DCDC1: variants seen among roughly 807,000 people sequenced by gnomAD.
DCDC1 encodes the protein doublecortin domain containing 1, also known as doublecortin domain-containing protein 1.
In DCDC1, 200 loss-of-function variants were observed where a neutral mutation model predicts 178.3. That is an observed-to-expected ratio of 1.12 (90% confidence interval 1.00 to 1.26). The LOEUF (loss-of-function observed/expected upper bound fraction) is 1.26, where lower values mean the gene tolerates loss of function less well. DCDC1 is among the 50% of genes most tolerant of loss of function. The pLI is 0.00. For missense variants in DCDC1, 1,983 were observed against 1,749.2 expected (o/e 1.13, Z -2.38); for synonymous variants, 690 against 604.8 (o/e 1.14, Z -2.07).
At chr11:31,354,858 T>G (rs768166135) in intron 1 of DCDC1, among the ~76,000 whole-genome samples, 4 of 152,226 alleles carry the variant, frequency 2.6e-5, no homozygotes, top group Non-Finnish European at 5.9e-5. Flanking sequence ...CTTTACATTT[T>G]GATTCCATCA....
chr11:31,257,693 A>AACACACACACACACACAC (rs60535376), intron 8 of DCDC1, among the ~76,000 whole-genome samples: 3 of 143,864 alleles, frequency 2.1e-5, no homozygotes, highest in African/African-American at 7.7e-5. Flanking sequence ...CAGATAGGAA[A>AACACACACACACACACAC]ACACACACAC....
chr11:31,073,191 T>A (rs764817056), intron 18 of DCDC1, among the ~76,000 whole-genome samples: 18 of 152,284 alleles, frequency 1.2e-4, no homozygotes, highest in Non-Finnish European at 2.2e-4. Context: ...TGTAAAAATA[T>A]CAGTGATTGT....
At chr11:31,053,807 A>C (rs900555421) in intron 20 of DCDC1, among the ~76,000 whole-genome samples, 2 of 152,140 alleles carry the variant, frequency 1.3e-5, no homozygotes, top group Non-Finnish European at 2.9e-5. Flanking sequence ...AAATTGGCAT[A>C]TAAGGGACAT....
intron 9 of DCDC1, among the ~76,000 whole-genome samples, chr11:31,205,272 A>T (rs575253458): frequency 8.5e-5 from 13 of 152,198 alleles, no homozygotes; most frequent in Non-Finnish European, 1.9e-4. Context: ...ACAACAGCAG[A>T]GATTAGTAGT....
At chr11:31,330,972 T>A (rs979634479) in intron 2 of DCDC1, among the ~76,000 whole-genome samples, 1 of 152,192 alleles carries the variant, frequency 6.6e-6, no homozygotes, top group Admixed American at 6.5e-5. Context: ...GAATCTAAAA[T>A]TACCTTGGGC....
At chr11:31,037,581 G>A (rs1234979680) in intron 20 of DCDC1, among the ~76,000 whole-genome samples, 2 of 151,668 alleles carry the variant, frequency 1.3e-5, no homozygotes, top group Non-Finnish European at 2.9e-5. Flanking sequence ...ACAGGTGCCC[G>A]CCACCTAATT....
chr11:30,899,900 C>T (rs915472038), intron 33 of DCDC1, among the ~76,000 whole-genome samples: 3 of 152,088 alleles, frequency 2.0e-5, no homozygotes, highest in African/African-American at 7.2e-5. Context: ...ATTTCATTTT[C>T]CACTTCCACA....
chr11:31,101,843 G>A (rs572583138), intron 15 of DCDC1, among the ~76,000 whole-genome samples: 12 of 152,212 alleles, frequency 7.9e-5, no homozygotes, highest in Non-Finnish European at 1.2e-4. Context: ...TTGGGAGGCC[G>A]AGGTGGACGG....
At chr11:31,093,704 G>C (rs1185477457) in intron 16 of DCDC1, among the ~76,000 whole-genome samples, 1 of 152,112 alleles carries the variant, frequency 6.6e-6, no homozygotes, top group Non-Finnish European at 1.5e-5. Context: ...GAAAGCTGAG[G>C]GGTAAAACTC....
chr11:31,160,210 T>C (rs1050830994), intron 9 of DCDC1, among the ~76,000 whole-genome samples: 1 of 152,184 alleles, frequency 6.6e-6, no homozygotes, highest in African/African-American at 2.4e-5. Flanking sequence ...TCATTTTCAG[T>C]TATGTTGAAA....
chr11:31,087,443 G>T, intron 17 of DCDC1, among the ~76,000 whole-genome samples: 1 of 151,746 alleles, frequency 6.6e-6, no homozygotes, highest in East Asian at 1.9e-4. Context: ...TGAAGTCATT[G>T]ATTTAATATC....
chr11:31,274,016 G>C (rs1945789003), intron 7 of DCDC1, among the ~76,000 whole-genome samples: 1 of 152,126 alleles, frequency 6.6e-6, no homozygotes, highest in South Asian at 2.1e-4. Flanking sequence ...TCCCACCTGG[G>C]TGCCTCCCAC....
intron 18 of DCDC1, among the ~76,000 whole-genome samples, chr11:31,070,962 GT>G (rs750231850): frequency 1.3e-5 from 2 of 152,232 alleles, no homozygotes; most frequent in South Asian, 2.1e-4. Flanking sequence ...GATCAGGCAT[GT>G]TTTTGAAGAG....
At chr11:30,948,960 C>G (rs1590495101) in intron 21 of DCDC1, among the ~76,000 whole-genome samples, 2 of 152,286 alleles carry the variant, frequency 1.3e-5, no homozygotes, top group East Asian at 3.9e-4. Context: ...GACTTCATGA[C>G]TAAAACACCA....
chr11:31,348,010 C>CT (rs1950898096), intron 1 of DCDC1, among the ~76,000 whole-genome samples: 1 of 152,086 alleles, frequency 6.6e-6, no homozygotes, highest in Non-Finnish European at 1.5e-5. Context: ...CCTTCATAAC[C>CT]CATTTATTTT....
Position 31,192,803 on chromosome 11 carries a change from G to A in DCDC1, c.1221+48647C>T, listed in dbSNP as rs182446979. Among the ~76,000 whole-genome samples the A allele has an allele frequency of 3.9e-4, 59 of 152,134 alleles. No individual in the cohort carries two copies. In the Middle Eastern group the frequency reaches 0.014, roughly 35 times the overall value. On this transcript the variant is annotated intron_variant, in intron 9 of 38. Transcript: ENST00000684477. ...AGACAGCTGGTAAAACATTATTTCC[G>A]GTTTTGTCTGGGACAGTTTCAGGAA...
intron 9 of DCDC1, among the ~76,000 whole-genome samples, chr11:31,163,533 T>C (rs1051338656): frequency 8.5e-5 from 13 of 152,224 alleles, no homozygotes; most frequent in Admixed American, 2.6e-4. Flanking sequence ...TCACATATTT[T>C]ATTTAGCTTC....
intron 20 of DCDC1, among the ~76,000 whole-genome samples, chr11:30,959,904 C>T (rs1948994054): frequency 6.6e-6 from 1 of 152,064 alleles, no homozygotes; most frequent in Admixed American, 6.6e-5. Context: ...ACTTTATTTC[C>T]CTCCTTCCCT....
chr11:30,909,703 A>G (rs1018724190), intron 28 of DCDC1, among the ~76,000 whole-genome samples: 2 of 152,162 alleles, frequency 1.3e-5, no homozygotes, highest in African/African-American at 4.8e-5. Flanking sequence ...TTTCCAAAAC[A>G]TGAATATAAT....
Sources: allele counts gnomAD v4.1 joint callset (sites outside exome capture counted in the v4.1 genomes callset), GRCh38; gene constraint gnomAD v4.1.1; transcripts MANE v1.5; gene names NCBI Gene and HGNC (gene_info 2026-07-23, HGNC 2026-07-21).